Variants in NFAT5 observed in about 807,000 individuals in gnomAD.
NFAT5 encodes nuclear factor of activated T cells 5, also known as nuclear factor of activated T-cells 5.
In NFAT5, 31 loss-of-function variants were observed where a neutral mutation model predicts 166.5. The observed-to-expected ratio is 0.19, with a 90% CI of 0.14 to 0.25. The LOEUF is 0.25. Ranked by LOEUF, NFAT5 falls within the 10% of genes least tolerant of loss-of-function variation. The pLI, the probability that NFAT5 is intolerant of heterozygous loss-of-function variation, is 1.00. For missense variants in NFAT5, 1,449 were observed against 1,821.8 expected (o/e 0.80, Z 3.72); for synonymous variants, 612 against 639.7 (o/e 0.96, Z 0.65).
intron 10 of NFAT5, among the ~76,000 whole-genome samples, chr16:69,684,114 C>A (rs2037183626): frequency 1.3e-5 from 2 of 151,370 alleles, no homozygotes; most frequent in Non-Finnish European, 2.9e-5. Context: ...AAATAAATAG[C>A]CTGGCATGGT....
At position 69,614,673 on chromosome 16, in the gene NFAT5, A is replaced by C. The variant is rs2033857494; in HGVS notation, c.128-11730A>C. Reference sequence around the variant, plus strand: ...TCCCTTATGTAACCACAATATAGCTATCAAAATAAAAATTAACATCAATAC... The same window carrying C: ...TCCCTTATGTAACCACAATATAGCTCTCAAAATAAAAATTAACATCAATAC... On this transcript the variant is annotated intron_variant, in intron 2 of 14. Transcript: ENST00000349945. Among the ~76,000 whole-genome samples the C allele has an allele frequency of 2.0e-5, 3 of 152,188 alleles. No individual in the cohort carries two copies. In the South Asian group the frequency reaches 6.2e-4, roughly 31 times the overall value.
At position 69,693,948 on chromosome 16, in the gene NFAT5, C is replaced by A. The variant is rs746627608; in HGVS notation, c.4123C>A (p.Gln1375Lys). The change falls in exon 13 of 15, where the codon CAG (glutamine) becomes AAG (lysine). Residue 1375 changes from glutamine to lysine, a missense_variant. Physicochemically the swap from Gln to Lys is moderately conservative, Grantham distance 53 (BLOSUM62 1). Around this residue, in one of 7 missense-constraint regions of NFAT5, gnomAD observed 891 missense variants for 993.0 expected, o/e 0.90. Coordinates refer to ENST00000349945, the MANE Select transcript of NFAT5 (RefSeq NM_138713.4). ...SQTPLFHSSPQIQLVQGSPSS... is the reference protein window; with the variant it reads ...SQTPLFHSSPKIQLVQGSPSS... The stretch of plus-strand genomic sequence containing the variant: ...GACCCCCTTGTTCCATAGCTCTCCT[C>A]AGATTCAGTTGGTACAAGGGTCACC... 1.1e-5 allele frequency: 18 copies of A among 1,614,214 alleles called. No individual in the cohort carries two copies. Among genetic ancestry groups the A allele is most frequent in the Non-Finnish European group, 1.5e-5 (18 of 1,180,034 alleles).
At chr16:69,641,664 A>AT (rs2035220591) in intron 3 of NFAT5, among the ~76,000 whole-genome samples, 1 of 152,208 alleles carries the variant, frequency 6.6e-6, no homozygotes. Context: ...TTTTTATGAT[A>AT]TTTTAAGCAC....
chr16:69,659,858 C>T lies in NFAT5; in HGVS notation c.1328C>T (p.Ser443Phe). The change falls in exon 7 of 15, where the codon TCC becomes TTC. Residue 443 changes from serine (S) to phenylalanine (F), a missense_variant. Transcript: ENST00000349945. ...GTTAATATCATGAGGAAAGATGGCT[C>T]CACTTTGACACTGCAAACACCCTCT... ...FRVNIMRKDG[S>F]TLTLQTPSSP... is the part of the protein sequence containing the mutation. The T allele has an allele frequency of 1.2e-6, 2 of 1,613,910 alleles. No homozygotes were observed. Among genetic ancestry groups the T allele is most frequent in the Non-Finnish European group, 1.7e-6 (2 of 1,179,922 alleles).
chr16:69,689,090 G>A (rs1042622586), intron 11 of NFAT5, among the ~76,000 whole-genome samples: 1 of 152,054 alleles, frequency 6.6e-6, no homozygotes, highest in African/African-American at 2.4e-5. Context: ...CCTAGGCAAA[G>A]TAACGAGACT....
At chr16:69,638,891 G>T (rs1459249898) in intron 3 of NFAT5, among the ~76,000 whole-genome samples, 1 of 141,998 alleles carries the variant, frequency 7.0e-6, no homozygotes, top group Non-Finnish European at 1.5e-5. Context: ...TTGAAGTTTA[G>T]TGATACTCTG....
chr16:69,691,363 T>C (rs1313293638), intron 12 of NFAT5, among the ~76,000 whole-genome samples: 2 of 152,128 alleles, frequency 1.3e-5, no homozygotes, highest in Non-Finnish European at 2.9e-5. Flanking sequence ...TCCCATAACT[T>C]TCTGTTTCTT....
At chr16:69,671,105 G>C (rs959235936) in intron 9 of NFAT5, among the ~76,000 whole-genome samples, 10 of 152,044 alleles carry the variant, frequency 6.6e-5, no homozygotes, top group African/African-American at 2.4e-4. Flanking sequence ...TTATTCCTTT[G>C]TGTATTTTTA....
At chr16:69,623,753 T>C (rs244419) in intron 2 of NFAT5, among the ~76,000 whole-genome samples, 135,299 of 151,096 alleles carry the variant, frequency 0.9, 60,800 homozygotes, top group African/African-American at 0.97. Context: ...GTAATCTGCC[T>C]GCCTCGGCCT....
At position 69,597,322 on chromosome 16, in the gene NFAT5, G is replaced by A. The variant is rs959399103; in HGVS notation, c.127+28774G>A. Among the ~76,000 whole-genome samples the A allele has an allele frequency of 2.0e-5, 3 of 152,150 alleles. No individual in the cohort carries two copies. The South Asian group carries it at 6.2e-4, about 32-fold the overall frequency. ...TGCAGGTATCACAGGCTAAATAAAT[G>A]TGTTAGAAATATTTTAGCCAACAAG... On this transcript the variant is annotated intron_variant, in intron 2 of 14. Transcript: ENST00000349945.
At chr16:69,651,309 G>A (rs1360052284) in intron 4 of NFAT5, among the ~76,000 whole-genome samples, 1 of 152,290 alleles carries the variant, frequency 6.6e-6, no homozygotes, top group Middle Eastern at 3.4e-3. Flanking sequence ...TCATCTATCA[G>A]TCTTACTGAA....
intron 11 of NFAT5, among the ~76,000 whole-genome samples, chr16:69,689,864 G>A (rs1039350282): frequency 6.6e-6 from 1 of 152,118 alleles, no homozygotes; most frequent in Non-Finnish European, 1.5e-5. Flanking sequence ...CATATTGACT[G>A]ACAACAACAA....
chr16:69,596,519 A>G (rs781373145), intron 2 of NFAT5, among the ~76,000 whole-genome samples: 7 of 152,150 alleles, frequency 4.6e-5, no homozygotes, highest in Non-Finnish European at 1.0e-4. Context: ...GGAGTTCAAG[A>G]CTATGCTGGC....
In NFAT5 at chr16:69,566,210, G is replaced by T. The variant is rs907958071; in HGVS notation, c.-92G>T. On this transcript the variant is annotated 5_prime_UTR_variant, in exon 1 of 15. Coordinates refer to ENST00000349945, the MANE Select transcript of NFAT5 (RefSeq NM_138713.4). The surrounding 1 kb of genome is among the most constrained non-coding windows in gnomAD (Gnocchi z 5.7). The stretch of plus-strand genomic sequence containing the variant: ...CAGCCGCCCTCGCGTCGCCGCCCCC[G>T]GTTCGGTGCCCGCGGTCCCGGAGAG... The T allele has an allele frequency of 6.6e-6, 8 of 1,219,258 alleles. No homozygotes were observed. The East Asian group carries it at 1.3e-4, about 20-fold the overall frequency. The allele number at this position is 1,219,258 out of a possible 1,614,324, so 75.5% of individuals were successfully genotyped here.
At chr16:69,695,526 A>C in intron 14 of NFAT5, 147 bp downstream of exon 14, 1 of 643,354 alleles carries the variant, frequency 1.6e-6, no homozygotes. Context: ...AATTATTCTG[A>C]ATGATAGCTT....
chr16:69,673,963 G>A (rs906682777), intron 9 of NFAT5, among the ~76,000 whole-genome samples: 1 of 152,010 alleles, frequency 6.6e-6, no homozygotes, highest in East Asian at 1.9e-4. Context: ...TATAAATATT[G>A]CCAGGCGTGT....
At chr16:69,584,196 A>C (rs1435636458) in intron 2 of NFAT5, among the ~76,000 whole-genome samples, 1 of 152,212 alleles carries the variant, frequency 6.6e-6, no homozygotes, top group African/African-American at 2.4e-5. Context: ...ACTGCACTCC[A>C]GCCTGGGAGA....
intron 2 of NFAT5, among the ~76,000 whole-genome samples, chr16:69,579,162 C>T (rs1329993176): frequency 6.6e-6 from 1 of 152,190 alleles, no homozygotes; most frequent in African/African-American, 2.4e-5. Flanking sequence ...GCGCCGGCCA[C>T]TGCGCCTGGC....
rs929065817 is a variant in NFAT5, at chr16:69,692,277, C to G, written c.2452C>G (p.Gln818Glu). 1.9e-6 allele frequency: 3 copies of G among 1,614,070 alleles called. No homozygotes were observed. The African/African-American group carries it at 4.0e-5, about 22-fold the overall frequency. ...CAGTGGAAGTGTTGACTTGGTCCAA[C>G]AAGTTTTAGAGGCACAGCAGCAGTT... ...GSSGSVDLVQ[Q>E]VLEAQQQLSS... The change falls in exon 13 of 15, where the codon CAA becomes GAA. Residue 818 changes from glutamine to glutamate, a missense_variant. By Grantham distance (29) the Gln-to-Glu change is conservative. Coordinates refer to ENST00000349945, the MANE Select transcript of NFAT5 (RefSeq NM_138713.4).
Sources: allele counts gnomAD v4.1 joint callset (sites outside exome capture counted in the v4.1 genomes callset), GRCh38; gene constraint gnomAD v4.1.1; regional missense constraint gnomAD v4.1.1; non-coding constraint Gnocchi (gnomAD v3.1); transcripts MANE v1.5; gene names NCBI Gene and HGNC (gene_info 2026-07-23, HGNC 2026-07-21).